RARB: variants seen among roughly 807,000 people sequenced by gnomAD.
The protein encoded by RARB is HBV-activated protein.
RARB carries 17 observed loss-of-function variants against 51.9 expected under a neutral mutation model. The observed-to-expected ratio is 0.33, with a 90% confidence interval of 0.22 to 0.49. The LOEUF (loss-of-function observed/expected upper bound fraction) is 0.49, where lower values mean the gene tolerates loss of function less well. Among genes scored for constraint, RARB ranks in the 20% least tolerant of loss-of-function variants. The pLI is 0.99. For missense variants in RARB, 369 were observed against 550.8 expected, an observed-to-expected ratio of 0.67 and a Z score of 3.30; for synonymous variants, 215 against 195.4, an observed-to-expected ratio of 1.10 and a Z score of -0.84.
intron 5 of RARB, among the ~76,000 whole-genome samples, chr3:25,247,267 T>A (rs978630298): frequency 6.6e-6 from 1 of 152,222 alleles, no homozygotes; most frequent in Non-Finnish European, 1.5e-5. Flanking sequence ...TCTGTGGGAC[T>A]GGGATCCACT....
At chr3:25,353,852 CTG>C (rs1039037770) in intron 5 of RARB, among the ~76,000 whole-genome samples, 10 of 152,018 alleles carry the variant, frequency 6.6e-5, no homozygotes, top group African/African-American at 2.4e-4. Context: ...CTTAAGCTGT[CTG>C]TGGAATTCTT....
At chr3:25,347,918 C>G (rs962062613) in intron 5 of RARB, among the ~76,000 whole-genome samples, 4 of 152,172 alleles carry the variant, frequency 2.6e-5, no homozygotes, top group African/African-American at 9.7e-5. Context: ...GAAGACTCTA[C>G]TCAGGAAAGT....
intron 2 of RARB, among the ~76,000 whole-genome samples, chr3:25,491,993 G>A (rs1696764702): frequency 6.6e-6 from 1 of 152,094 alleles, no homozygotes; most frequent in African/African-American, 2.4e-5. Context: ...AGTGACAGCA[G>A]AGCAGTAAAC....
chr3:25,334,609 C>T (rs539478181), intron 5 of RARB, among the ~76,000 whole-genome samples: 3 of 152,070 alleles, frequency 2.0e-5, no homozygotes, highest in Non-Finnish European at 2.9e-5. Flanking sequence ...AGCACACCAA[C>T]GTGGCACATG....
At chr3:25,471,355 CAGCTT>C (rs1318380655) in intron 2 of RARB, among the ~76,000 whole-genome samples, 1 of 152,226 alleles carries the variant, frequency 6.6e-6, no homozygotes, top group African/African-American at 2.4e-5. Context: ...AGAAAAATCT[CAGCTT>C]AGAGAATCTA....
intron 3 of RARB, among the ~76,000 whole-genome samples, chr3:25,072,925 C>T (rs538926911): frequency 8.2e-4 from 124 of 152,066 alleles, no homozygotes; most frequent in Non-Finnish European, 1.4e-3. Context: ...GTCTCGATCT[C>T]CTGACCTGAT....
At chr3:24,972,010 T>C (rs1226439209) in intron 2 of RARB, among the ~76,000 whole-genome samples, 4 of 151,668 alleles carry the variant, frequency 2.6e-5, no homozygotes, top group African/African-American at 7.3e-5. Flanking sequence ...ATTCGAGTTA[T>C]TCTCTTCTAG....
chr3:24,859,378 G>A (rs995723985), intron 2 of RARB, among the ~76,000 whole-genome samples: 2 of 152,170 alleles, frequency 1.3e-5, no homozygotes, highest in Non-Finnish European at 2.9e-5. Context: ...GAAATGTGAA[G>A]TAAGTTTTTA....
intron 2 of RARB, among the ~76,000 whole-genome samples, chr3:24,895,188 C>T (rs1003953727): frequency 6.6e-6 from 1 of 152,150 alleles, no homozygotes; most frequent in Non-Finnish European, 1.5e-5. Flanking sequence ...AATGAAGAAA[C>T]TGAAGCTCAG....
chr3:25,478,187 T>C (rs908951488), intron 2 of RARB, among the ~76,000 whole-genome samples: 4 of 152,116 alleles, frequency 2.6e-5, no homozygotes, highest in African/African-American at 9.7e-5. Context: ...CCTGTCAAAT[T>C]CTATTGGTTA....
intron 4 of RARB, among the ~76,000 whole-genome samples, chr3:25,159,729 G>T (rs1362337302): frequency 1.3e-5 from 2 of 152,104 alleles, no homozygotes; most frequent in African/African-American, 4.8e-5. Context: ...GAATGGGAGT[G>T]GAGGCCACAC....
intron 5 of RARB, among the ~76,000 whole-genome samples, chr3:25,403,610 C>A (rs949238213): frequency 6.6e-6 from 1 of 151,892 alleles, no homozygotes; most frequent in Non-Finnish European, 1.5e-5. Flanking sequence ...ACTTTAGAAC[C>A]AGAATAAAAA....
chr3:24,915,958 A>G (rs1260731233), intron 2 of RARB, among the ~76,000 whole-genome samples: 1 of 152,146 alleles, frequency 6.6e-6, no homozygotes, highest in African/African-American at 2.4e-5. Flanking sequence ...AGTCAGGGAG[A>G]GAGAGGCACC....
At chr3:25,529,888 G>A (rs955768241) in intron 3 of RARB, among the ~76,000 whole-genome samples, 1 of 151,978 alleles carries the variant, frequency 6.6e-6, no homozygotes, top group Admixed American at 6.6e-5. Context: ...GCTACGCAAG[G>A]TACTCAAAAA....
chr3:25,357,362 G>GT (rs1705774958), intron 5 of RARB, among the ~76,000 whole-genome samples: 1 of 151,562 alleles, frequency 6.6e-6, no homozygotes, highest in Admixed American at 6.6e-5. Flanking sequence ...TGTTGGGGTT[G>GT]TTTTTTTCTT....
At chr3:24,830,786 C>A (rs1187163587) in intron 1 of RARB, among the ~76,000 whole-genome samples, 1 of 151,110 alleles carries the variant, frequency 6.6e-6, no homozygotes, top group African/African-American at 2.4e-5. Context: ...ACAGGTGAGG[C>A]GGAGCGGAGG....
intron 5 of RARB, among the ~76,000 whole-genome samples, chr3:25,585,511 A>G (rs1701347357): frequency 6.6e-6 from 1 of 152,254 alleles, no homozygotes; most frequent in Non-Finnish European, 1.5e-5. Context: ...TATTTTTTAC[A>G]ATGAAATTAA....
intron 2 of RARB, among the ~76,000 whole-genome samples, chr3:25,010,182 T>C (rs972162543): frequency 1.3e-5 from 2 of 152,098 alleles, no homozygotes; most frequent in Non-Finnish European, 2.9e-5. Flanking sequence ...AAGAAACATA[T>C]CGGATTAATT....
chr3:24,855,997 G>A (rs9870524), intron 1 of RARB, among the ~76,000 whole-genome samples: 150 of 152,078 alleles, frequency 9.9e-4, no homozygotes, highest in African/African-American at 3.4e-3. Flanking sequence ...TGATCCGCCC[G>A]CCTCGGCCTC....
Sources: allele counts gnomAD v4.1 joint callset (sites outside exome capture counted in the v4.1 genomes callset), GRCh38; gene constraint gnomAD v4.1.1; transcripts MANE v1.5; gene names NCBI Gene and HGNC (gene_info 2026-07-23, HGNC 2026-07-21).